Variants in NHSL3 observed in about 807,000 individuals in gnomAD.
NHSL3 encodes NHS like 3, also known as NHS-like protein 3.
chr1:32,767,674 T>A, the NHSL3 span: 3 of 847,672 alleles, frequency 3.5e-6, no homozygotes, highest in East Asian at 7.4e-5. Context: ...ATTGCTTGTA[T>A]ATGCAATGGC....
the NHSL3 span, chr1:32,770,678 C>T: frequency 2.0e-6 from 3 of 1,529,016 alleles, no homozygotes; most frequent in Middle Eastern, 1.8e-4. The surrounding 1 kb of genome is among the most constrained non-coding windows in gnomAD (Gnocchi z 8.3). Context: ...CCTCCACCCC[C>T]TCCCCGCCGG....
the NHSL3 span, chr1:32,768,125 C>T: frequency 6.4e-7 from 1 of 1,564,736 alleles, no homozygotes; most frequent in African/African-American, 1.4e-5. Context: ...CAGGTGAGCC[C>T]TGCCTCCAGC....
chr1:32,742,020 G>A, the NHSL3 span: 7 of 1,239,484 alleles, frequency 5.6e-6, no homozygotes, highest in Non-Finnish European at 6.1e-6. Context: ...GCGGCCCCCC[G>A]CGCAGGAAGA....
the NHSL3 span, among the ~76,000 whole-genome samples, chr1:32,753,025 G>C: frequency 6.7e-6 from 1 of 148,154 alleles, no homozygotes; most frequent in Admixed American, 6.8e-5. Context: ...CTGGAGTGCA[G>C]TGGTGTGATC....
chr1:32,771,744 C>T, the NHSL3 span: 769 of 1,613,792 alleles, frequency 4.8e-4, no homozygotes, highest in Non-Finnish European at 6.2e-4. Context: ...TGGCCAAGCT[C>T]CCTCAGAAGG....
the NHSL3 span, among the ~76,000 whole-genome samples, chr1:32,748,147 C>T: frequency 6.6e-6 from 1 of 151,956 alleles, no homozygotes; most frequent in Non-Finnish European, 1.5e-5. Context: ...GGCGTAGTGG[C>T]AGGCGCCTGT....
the NHSL3 span, among the ~76,000 whole-genome samples, chr1:32,761,085 A>T: frequency 6.6e-6 from 1 of 152,096 alleles, no homozygotes; most frequent in Admixed American, 6.5e-5. Context: ...CTCCTCCCCC[A>T]GGCATGTTGG....
At chr1:32,768,208 T>G in the NHSL3 span, 3 of 928,098 alleles carry the variant, frequency 3.2e-6, no homozygotes, top group Admixed American at 5.4e-5. Context: ...TCTCAGTTTC[T>G]TTATCACAAA....
At chr1:32,764,594 A>G in the NHSL3 span, among the ~76,000 whole-genome samples, 1 of 151,728 alleles carries the variant, frequency 6.6e-6, no homozygotes, top group Non-Finnish European at 1.5e-5. Flanking sequence ...CGGCCTCCCG[A>G]GTAGCTGAGA....
At chr1:32,768,877 C>G in the NHSL3 span, 2 of 1,400,020 alleles carry the variant, frequency 1.4e-6, no homozygotes, top group Non-Finnish European at 1.9e-6. Flanking sequence ...CTCTCTGATT[C>G]AATGAATTCG....
At chr1:32,770,226 C>T in the NHSL3 span, 1 of 1,604,666 alleles carries the variant, frequency 6.2e-7, no homozygotes, top group Non-Finnish European at 8.5e-7. This position sits in a 1 kb window ranked among gnomAD's most constrained non-coding sequence, Gnocchi z 8.3. Context: ...CCCAGGCCAC[C>T]TACCTGTCGA....
the NHSL3 span, among the ~76,000 whole-genome samples, chr1:32,763,272 C>T: frequency 7.2e-5 from 11 of 152,140 alleles, no homozygotes; most frequent in South Asian, 6.2e-4. Context: ...GCGTGAGCCA[C>T]CGTGCACGGC....
the NHSL3 span, among the ~76,000 whole-genome samples, chr1:32,743,405 C>T: frequency 9.2e-5 from 14 of 152,040 alleles, no homozygotes; most frequent in Non-Finnish European, 1.5e-4. Context: ...GCGGCACAGC[C>T]ACACATAGAA....
chr1:32,761,599 G>A, the NHSL3 span, among the ~76,000 whole-genome samples: 154 of 152,264 alleles, frequency 1.0e-3, no homozygotes, highest in African/African-American at 3.5e-3. Flanking sequence ...AGTTCAGGAA[G>A]TCACTTAGCT....
chr1:32,752,952 T>C, the NHSL3 span, among the ~76,000 whole-genome samples: 697 of 3,060 alleles, frequency 0.23, 23 homozygotes, highest in Middle Eastern at 0.33. Context: ...CACACACACA[T>C]ATATATATAT....
chr1:32,758,598 C>G, the NHSL3 span, among the ~76,000 whole-genome samples: 2 of 152,152 alleles, frequency 1.3e-5, no homozygotes, highest in South Asian at 2.1e-4. Flanking sequence ...TGGTCCAGCT[C>G]TCTCTGATCC....
At chr1:32,768,627 C>T in the NHSL3 span, 2 of 1,613,364 alleles carry the variant, frequency 1.2e-6, no homozygotes, top group Non-Finnish European at 1.7e-6. Context: ...GACAGCCCCA[C>T]CCAGATCTCC....
chr1:32,746,244 A>AAAAAAAAAAAAAAG, the NHSL3 span, among the ~76,000 whole-genome samples: 3 of 142,648 alleles, frequency 2.1e-5, no homozygotes, highest in Non-Finnish European at 4.5e-5. Context: ...AAAAAAAAAA[A>AAAAAAAAAAAAAAG]AAACAAAAAA....
chr1:32,771,496 C>A, the NHSL3 span: 2 of 1,584,820 alleles, frequency 1.3e-6, no homozygotes, highest in South Asian at 1.1e-5. Context: ...GCCCCCTCCC[C>A]CACCCCCTGC....
Sources: allele counts gnomAD v4.1 joint callset (sites outside exome capture counted in the v4.1 genomes callset), GRCh38; gene constraint gnomAD v4.1.1; non-coding constraint Gnocchi (gnomAD v3.1); transcripts MANE v1.5; gene names NCBI Gene and HGNC (gene_info 2026-07-23, HGNC 2026-07-21).